SCLT1: variants seen among roughly 807,000 people sequenced by gnomAD.
The protein encoded by SCLT1 is sodium channel and clathrin linker 1, also known as sodium channel-associated protein 1.
Under a neutral mutation model 112.8 loss-of-function variants are expected in SCLT1, and 78 were observed. The observed-to-expected ratio is 0.69, with a 90% confidence interval of 0.58 to 0.83. The LOEUF (loss-of-function observed/expected upper bound fraction) is 0.83. SCLT1 is among the 40% of genes least tolerant of loss of function. The pLI is 0.00. For missense variants in SCLT1, 747 were observed against 770.4 expected, an observed-to-expected ratio of 0.97 and a Z score of 0.36; for synonymous variants, 257 against 254.7, an observed-to-expected ratio of 1.01 and a Z score of -0.09.
Position 128,943,010 on chromosome 4 carries a change from T to G in SCLT1, c.1618A>C (p.Lys540Gln). ...CTTGAAAATACCTTTACTTTGGCTT[T>G]TTTTTGAGCCTCCAGGGCAATCTTC... Reference protein sequence around the residue: ...LRKIALEAQKKAKVKISTMEH... With the variant: ...LRKIALEAQKQAKVKISTMEH... The change falls in exon 17 of 21, where the codon AAA (lysine) becomes CAA (glutamine). Residue 540 changes from lysine (K) to glutamine (Q), a missense_variant. By Grantham distance (53) the Lys-to-Gln change is moderately conservative. This residue lies in a region of SCLT1 where 723 missense variants were observed against 721.3 expected (regional missense o/e 1.00). Transcript: ENST00000281142. The G allele has an allele frequency of 3.1e-6, 5 of 1,605,508 alleles. No homozygotes were observed. The highest frequency in any genetic ancestry group is 4.2e-6 in the Non-Finnish European group (5 of 1,177,250).
rs79701867 is a variant in SCLT1 at position 128,974,358 on chromosome 4, A to T, written c.687-3890T>A. 4.4e-3 allele frequency among the ~76,000 whole-genome samples: 673 copies of T among 151,888 alleles called. 2 individuals carry two copies. Among genetic ancestry groups the T allele is most frequent in the African/African-American group, 0.016 (642 of 41,372 alleles). ...AGCCTGCAAGTTGATTTGTTTACTGATAATTTTCACCAGGCATAACTAGAT... is the reference window on the plus strand; with the variant it reads ...AGCCTGCAAGTTGATTTGTTTACTGTTAATTTTCACCAGGCATAACTAGAT... On this transcript the variant is annotated intron_variant, in intron 9 of 20. Transcript: ENST00000281142.
intron 18 of SCLT1, among the ~76,000 whole-genome samples, chr4:128,927,263 A>G (rs13150960): frequency 0.14 from 21,670 of 152,092 alleles, 1,876 homozygotes; most frequent in Middle Eastern, 0.27. Flanking sequence ...TAACATGTAG[A>G]TTAAAAAAGA....
intron 18 of SCLT1, among the ~76,000 whole-genome samples, chr4:128,918,710 C>T (rs1735657204): frequency 6.6e-6 from 1 of 151,862 alleles, no homozygotes; most frequent in South Asian, 2.1e-4. Flanking sequence ...GCAAACATAC[C>T]CGTAGGCTCA....
chr4:128,965,437 T>G (rs2126023811), intron 10 of SCLT1, 119 bp from the exon 11 acceptor site: 1 of 674,404 alleles, frequency 1.5e-6, no homozygotes, highest in South Asian at 1.8e-5. Flanking sequence ...ATTCTAACAC[T>G]TACGTTAAAA....
At chr4:128,971,233 A>T (rs974155634) in intron 9 of SCLT1, 1 of 152,196 alleles carries the variant, frequency 6.6e-6, no homozygotes, top group Admixed American at 6.5e-5. Flanking sequence ...TAGTGTAGGA[A>T]CTGTTCCCTA....
At chr4:128,994,783 G>A (rs1742869185) in intron 8 of SCLT1, among the ~76,000 whole-genome samples, 1 of 152,012 alleles carries the variant, frequency 6.6e-6, no homozygotes. Flanking sequence ...CGAGCATTGG[G>A]CATTTCTTCA....
At chr4:128,978,668 A>G (rs1271351454) in intron 9 of SCLT1, among the ~76,000 whole-genome samples, 1 of 152,136 alleles carries the variant, frequency 6.6e-6, no homozygotes, top group African/African-American at 2.4e-5. Context: ...AGAAAATTCC[A>G]AAGAGTGACT....
intron 11 of SCLT1, among the ~76,000 whole-genome samples, chr4:128,961,922 A>G (rs1362387292): frequency 9.9e-5 from 15 of 152,220 alleles, no homozygotes; most frequent in Non-Finnish European, 2.2e-4. Flanking sequence ...CATGGTGGAA[A>G]TAGTTTTATT....
Position 129,003,759 on chromosome 4 carries a change from T to C in SCLT1, c.408A>G (p.Gln136=). Residue 136 remains glutamine, a synonymous_variant, in exon 6 of 21, where the codon CAA becomes CAG. Coordinates refer to ENST00000281142, the MANE Select transcript of SCLT1 (RefSeq NM_144643.4). ...DDETVRNLQE[Q]LQLANQEKTQ... Reference sequence around the variant, plus strand: ...CACTCACTTGATTGGCTAGCTGCAATTGTTCTTGAAGGTTTCTGACTGTTT... The same window carrying C: ...CACTCACTTGATTGGCTAGCTGCAACTGTTCTTGAAGGTTTCTGACTGTTT... 8 of 1,607,688 alleles carry C rather than the reference T, an allele frequency of 5.0e-6. No individual in the cohort carries two copies. The highest frequency in any genetic ancestry group is 2.2e-5 in the South Asian group (2 of 89,302).
At chr4:129,055,232 A>T (rs1188919481) in intron 2 of SCLT1, among the ~76,000 whole-genome samples, 1 of 152,160 alleles carries the variant, frequency 6.6e-6, no homozygotes, top group Non-Finnish European at 1.5e-5. Context: ...CCCAGTCAGG[A>T]GGCATGGGGG....
At chr4:128,903,057 G>A (rs1481228632) in intron 18 of SCLT1, among the ~76,000 whole-genome samples, 1 of 122,218 alleles carries the variant, frequency 8.2e-6, no homozygotes, top group East Asian at 2.3e-4. Flanking sequence ...ACTTGCCTAA[G>A]GCTGTTTTAC....
At chr4:129,024,112 G>A (rs1018989137) in intron 5 of SCLT1, among the ~76,000 whole-genome samples, 5 of 152,194 alleles carry the variant, frequency 3.3e-5, no homozygotes, top group African/African-American at 9.6e-5. Flanking sequence ...CTGGGGGCAG[G>A]GCACAGACAA....
intron 14 of SCLT1, 151 bp downstream of exon 14, chr4:128,952,618 C>T: frequency 1.6e-6 from 1 of 634,818 alleles, no homozygotes; most frequent in South Asian, 1.8e-5. Flanking sequence ...CTGCTGCAAA[C>T]ATGTCTATCT....
chr4:129,048,818 A>G (rs546271231), intron 2 of SCLT1, among the ~76,000 whole-genome samples: 238 of 152,346 alleles, frequency 1.6e-3, no homozygotes, highest in African/African-American at 5.2e-3. Flanking sequence ...AAGTGGGCAA[A>G]GGATATGAAC....
chr4:128,928,020 A>C (rs1318382857), intron 18 of SCLT1, among the ~76,000 whole-genome samples: 1 of 152,092 alleles, frequency 6.6e-6, no homozygotes, highest in East Asian at 1.9e-4. Flanking sequence ...CTATAAAAAT[A>C]TAATTTACCA....
intron 9 of SCLT1, among the ~76,000 whole-genome samples, chr4:128,978,708 T>C (rs1435153876): frequency 6.6e-6 from 1 of 151,820 alleles, no homozygotes; most frequent in Non-Finnish European, 1.5e-5. Context: ...CCAAGCAACA[T>C]CAAAGAATAG....
chr4:128,999,804 A>G lies in SCLT1; in HGVS notation c.427-10T>C. On this transcript the variant is annotated splice_polypyrimidine_tract_variant and intron_variant, in intron 6 of 20. Coordinates refer to ENST00000281142, the MANE Select transcript of SCLT1 (RefSeq NM_144643.4). ...CAGCCTGAGTTTTTTCCTATTAAAA[A>G]AGTTTGATAACTCATTAAATTATCA... 6.3e-7 allele frequency: 1 copy of G among 1,588,186 alleles called. No individual in the cohort carries two copies.
At chr4:128,882,783 TA>T (rs1431559796), downstream of SCLT1, among the ~76,000 whole-genome samples, 5 of 152,226 alleles carry the variant, frequency 3.3e-5, no homozygotes, top group African/African-American at 1.2e-4. Flanking sequence ...AAGGGGATCT[TA>T]CTGAGGCTAG....
intron 5 of SCLT1, among the ~76,000 whole-genome samples, chr4:129,012,380 TGA>T (rs1296957035): frequency 1.3e-5 from 2 of 152,006 alleles, no homozygotes; most frequent in Admixed American, 6.6e-5. Context: ...TGCTGTGGTT[TGA>T]GAGATTGTTA....
Sources: allele counts gnomAD v4.1 joint callset (sites outside exome capture counted in the v4.1 genomes callset), GRCh38; gene constraint gnomAD v4.1.1; regional missense constraint gnomAD v4.1.1; transcripts MANE v1.5; gene names NCBI Gene and HGNC (gene_info 2026-07-23, HGNC 2026-07-21).